The following DCAF8 variants were observed in gnomAD, a reference collection of about 807,000 sequenced individuals.
DCAF8 encodes DDB1 and CUL4 associated factor 8.
Under a neutral mutation model 68.0 loss-of-function variants are expected in DCAF8, and 20 were observed. The ratio of observed to expected loss-of-function variants is 0.29; its 90% CI spans 0.21 to 0.43. The LOEUF (loss-of-function observed/expected upper bound fraction) is 0.43. Ranked by LOEUF, DCAF8 falls within the 20% of genes least tolerant of loss-of-function variation. The pLI is 1.00. For synonymous variants in DCAF8, 230 were observed against 276.9 expected (o/e 0.83, Z 1.68); for missense variants, 460 against 771.0 (o/e 0.60, Z 4.78).
In DCAF8 at chr1:160,217,475, A is replaced by C; in HGVS notation, c.*117T>G. On this transcript the variant is annotated 3_prime_UTR_variant, in exon 14 of 14. Coordinates refer to ENST00000368074, the MANE Select transcript of DCAF8 (RefSeq NM_015726.4). Reference sequence around the variant, plus strand: ...CCTTCTCCTGGGATGTCTTTCTTTTATCTAAAGCAAAAAGTCCAAAGTGCG... The same window carrying C: ...CCTTCTCCTGGGATGTCTTTCTTTTCTCTAAAGCAAAAAGTCCAAAGTGCG... The C allele has an allele frequency of 1.4e-6, 1 of 691,310 alleles. No homozygotes were observed. Among genetic ancestry groups the C allele is most frequent in the Non-Finnish European group, 2.4e-6 (1 of 414,222 alleles). The allele number at this position is 691,310 out of a possible 1,614,324, so 42.8% of individuals were successfully genotyped here.
intron 1 of DCAF8, chr1:160,262,178 G>C (rs1192087900): frequency 2.5e-6 from 1 of 396,450 alleles, no homozygotes; most frequent in Non-Finnish European, 4.4e-6. Flanking sequence ...GAAAAGACCT[G>C]AGCGCTAAGA....
chr1:160,239,467 A>G, intron 4 of DCAF8: 1 of 1,444,978 alleles, frequency 6.9e-7, no homozygotes, highest in South Asian at 1.5e-5. Context: ...ACATTTAATA[A>G]GCTGCATGCA....
chr1:160,226,400 C>G (rs1464548415), intron 7 of DCAF8, among the ~76,000 whole-genome samples: 1 of 152,018 alleles, frequency 6.6e-6, no homozygotes, highest in Non-Finnish European at 1.5e-5. Flanking sequence ...GCACACTACA[C>G]CTTCACCTTC....
chr1:160,235,643 G>A (rs1655845042), intron 6 of DCAF8, among the ~76,000 whole-genome samples: 1 of 151,568 alleles, frequency 6.6e-6, no homozygotes, highest in Non-Finnish European at 1.5e-5. Flanking sequence ...ATACATACAA[G>A]TATACTTATG....
chr1:160,256,019 T>A (rs1370261776), intron 2 of DCAF8, among the ~76,000 whole-genome samples: 1 of 145,396 alleles, frequency 6.9e-6, no homozygotes, highest in African/African-American at 2.5e-5. Context: ...AAACTTTTTT[T>A]TTTTTTTTTT....
chr1:160,233,528 T>G (rs147472335), intron 6 of DCAF8, among the ~76,000 whole-genome samples: 32 of 152,246 alleles, frequency 2.1e-4, no homozygotes, highest in South Asian at 8.3e-4. Context: ...AATAACAGCT[T>G]CAGGGACAAA....
intron 6 of DCAF8, among the ~76,000 whole-genome samples, chr1:160,232,906 T>C (rs768145106): frequency 6.6e-6 from 1 of 152,202 alleles, no homozygotes; most frequent in Admixed American, 6.5e-5. Flanking sequence ...ATAATCTGTC[T>C]AAAACAGCCA....
At chr1:160,242,860 T>C (rs891593251) in intron 3 of DCAF8, among the ~76,000 whole-genome samples, 2 of 152,232 alleles carry the variant, frequency 1.3e-5, no homozygotes, top group Non-Finnish European at 2.9e-5. Context: ...ACCTAGCTAA[T>C]GGTCAAGCTC....
Position 160,225,668 on chromosome 1 carries a change from A to G in DCAF8, c.1071-5T>C. 1 of 1,610,796 alleles carries G rather than the reference A, an allele frequency of 6.2e-7. No homozygotes were observed. The highest frequency in any genetic ancestry group is 8.5e-7 in the Non-Finnish European group (1 of 1,177,452). On this transcript the variant is annotated splice_polypyrimidine_tract_variant and splice_region_variant and intron_variant, in intron 7 of 13. Transcript: ENST00000368074. The stretch of plus-strand genomic sequence containing the variant: ...ATTTTCCTCTGGTCATAAATCCTAC[A>G]GTTGGAAAAGCAATGAAAATGTAAA...
intron 5 of DCAF8, among the ~76,000 whole-genome samples, chr1:160,238,001 C>G (rs1016925731): frequency 2.0e-5 from 3 of 152,170 alleles, no homozygotes; most frequent in Non-Finnish European, 4.4e-5. Context: ...TTTCACATAT[C>G]CTGGGCCGCC....
chr1:160,262,349 C>T, intron 1 of DCAF8, 100 bp downstream of exon 1: 1 of 399,416 alleles, frequency 2.5e-6, no homozygotes. Context: ...CTCAGCAGCC[C>T]GCTTCCCGTC....
chr1:160,235,142 G>T lies in DCAF8; in HGVS notation c.959+1993C>A, dbSNP rs571407952. ...TATAAGATCTGTTATAATAATTTTGGTTTTTTTTTTTGAGACAGTCTTGCT... is the reference window on the plus strand; with the variant it reads ...TATAAGATCTGTTATAATAATTTTGTTTTTTTTTTTTGAGACAGTCTTGCT... On this transcript the variant is annotated intron_variant, in intron 6 of 13. Transcript: ENST00000368074. Among the ~76,000 whole-genome samples, 20 of 146,286 alleles carry T rather than the reference G, an allele frequency of 1.4e-4. No homozygotes were observed. In the East Asian group the frequency reaches 2.6e-3, roughly 19 times the overall value.
At chr1:160,254,089 C>T (rs1394386940) in intron 2 of DCAF8, among the ~76,000 whole-genome samples, 1 of 152,018 alleles carries the variant, frequency 6.6e-6, no homozygotes, top group Admixed American at 6.6e-5. Context: ...TTTGGGAGGC[C>T]GAGGCAGGCG....
intron 4 of DCAF8, 188 bp from the exon 5 acceptor site, chr1:160,238,935 A>C: frequency 1.4e-6 from 1 of 739,808 alleles, no homozygotes; most frequent in Non-Finnish European, 2.0e-6. Context: ...AGGGAGAGAA[A>C]AAACTTCCTT....
intron 2 of DCAF8, among the ~76,000 whole-genome samples, chr1:160,244,712 G>A (rs561198945): frequency 1.3e-5 from 2 of 151,862 alleles, no homozygotes; most frequent in African/African-American, 4.8e-5. Context: ...CTGCCTCCCG[G>A]GTTCACACCA....
chr1:160,230,076 C>T (rs994227707), intron 7 of DCAF8, among the ~76,000 whole-genome samples: 19 of 151,644 alleles, frequency 1.3e-4, no homozygotes, highest in African/African-American at 2.4e-5. Context: ...CTAGAGGAAA[C>T]GAATTTTGAA....
intron 6 of DCAF8, among the ~76,000 whole-genome samples, chr1:160,233,027 C>T (rs1324949752): frequency 2.0e-5 from 3 of 152,102 alleles, no homozygotes; most frequent in African/African-American, 7.2e-5. Context: ...AAAGGAAAGA[C>T]TTCAAGAAAC....
chr1:160,244,179 C>T (rs1395775536), intron 2 of DCAF8, 145 bp from the exon 3 acceptor site: 6 of 614,642 alleles, frequency 9.8e-6, no homozygotes, highest in Non-Finnish European at 1.4e-5. Context: ...GTCTTCTCAG[C>T]TTGTGAAATT....
chr1:160,239,122 T>G, intron 4 of DCAF8: 1 of 1,020,500 alleles, frequency 9.8e-7, no homozygotes, highest in Non-Finnish European at 1.2e-6. Context: ...AGGGGGAATG[T>G]CAGGGAAGAA....
Sources: gnomAD v4.1 joint callset for allele counts (sites outside exome capture counted in the v4.1 genomes callset) on GRCh38, gnomAD v4.1.1 for gene constraint, MANE v1.5 for transcripts, NCBI Gene and HGNC (gene_info 2026-07-23, HGNC 2026-07-21) for gene names.